The following NEMP2 variants were observed in gnomAD, a reference collection of about 807,000 sequenced individuals.
NEMP2 encodes nuclear envelope integral membrane protein 2.
Under a neutral mutation model 54.2 loss-of-function variants are expected in NEMP2, and 53 were observed. The observed-to-expected ratio is 0.98, with a 90% CI of 0.78 to 1.23. The LOEUF is 1.23. Ranked by LOEUF, NEMP2 falls within the 50% of genes most tolerant of loss-of-function variation. The pLI, the probability that NEMP2 is intolerant of heterozygous loss-of-function variation, is 0.00. For missense variants in NEMP2, 455 were observed against 511.3 expected, an observed-to-expected ratio of 0.89 and a Z score of 1.06; for synonymous variants, 197 against 190.3, an observed-to-expected ratio of 1.04 and a Z score of -0.29.
chr2:190,572,263 G>GA, the NEMP2 span, among the ~76,000 whole-genome samples: 18 of 152,128 alleles, frequency 1.2e-4, no homozygotes, highest in East Asian at 3.9e-4. Flanking sequence ...GGAAAAAAAG[G>GA]AAAAAATGTA....
the NEMP2 span, among the ~76,000 whole-genome samples, chr2:190,550,060 C>T: frequency 6.6e-6 from 1 of 152,096 alleles, no homozygotes; most frequent in Admixed American, 6.5e-5. This position sits in a 1 kb window ranked among gnomAD's most constrained non-coding sequence, Gnocchi z 4.7. Context: ...TTTTACATAG[C>T]TTTATTTATA....
At chr2:190,489,640 A>C in the NEMP2 span, 1 of 813,788 alleles carries the variant, frequency 1.2e-6, no homozygotes, top group East Asian at 2.7e-5. The surrounding 1 kb of genome is among the most constrained non-coding windows in gnomAD (Gnocchi z 6.6). Context: ...GCTAATACCC[A>C]ACTACTTTTC....
At chr2:190,445,015 A>T in the NEMP2 span, 1 of 229,042 alleles carries the variant, frequency 4.4e-6, no homozygotes, top group Non-Finnish European at 7.2e-6. Context: ...CTGAGGATAC[A>T]AGCCTGAAGT....
At chr2:190,495,685 A>G in the NEMP2 span, among the ~76,000 whole-genome samples, 1 of 152,170 alleles carries the variant, frequency 6.6e-6, no homozygotes, top group African/African-American at 2.4e-5. This position sits in a 1 kb window ranked among gnomAD's most constrained non-coding sequence, Gnocchi z 4.7. Flanking sequence ...AAACCCATAA[A>G]TAAAGCCAAA....
chr2:190,575,628 GC>G, the NEMP2 span, among the ~76,000 whole-genome samples: 38 of 152,304 alleles, frequency 2.5e-4, no homozygotes, highest in Non-Finnish European at 1.5e-4. Context: ...GCCGAGGCAG[GC>G]AGATCACTTG....
chr2:190,436,409 G>A, the NEMP2 span: 26 of 1,613,942 alleles, frequency 1.6e-5, no homozygotes, highest in East Asian at 4.5e-5. The surrounding 1 kb of genome is among the most constrained non-coding windows in gnomAD (Gnocchi z 5.3). Flanking sequence ...GTTGCAGACC[G>A]CTTTAAAAAA....
the NEMP2 span, among the ~76,000 whole-genome samples, chr2:190,562,718 TA>T: frequency 1.4e-5 from 2 of 140,268 alleles, no homozygotes; most frequent in Admixed American, 6.9e-5. The surrounding 1 kb of genome is among the most constrained non-coding windows in gnomAD (Gnocchi z 5.0). Context: ...TTTTAAGGCA[TA>T]TTTTTTTAAA....
intron 6 of NEMP2, among the ~76,000 whole-genome samples, chr2:190,516,024 T>C (rs1205300217): frequency 6.6e-6 from 1 of 152,164 alleles, no homozygotes; most frequent in East Asian, 1.9e-4. Context: ...TTTTTTTTCC[T>C]CTTTTGATCA....
At chr2:190,591,035 G>A in the NEMP2 span, among the ~76,000 whole-genome samples, 2 of 152,124 alleles carry the variant, frequency 1.3e-5, no homozygotes, top group Non-Finnish European at 2.9e-5. This position sits in a 1 kb window ranked among gnomAD's most constrained non-coding sequence, Gnocchi z 5.4. Context: ...TGATAACTTT[G>A]TGACATATGC....
the NEMP2 span, chr2:190,469,920 T>C: frequency 8.7e-6 from 10 of 1,155,960 alleles, no homozygotes; most frequent in East Asian, 2.4e-5. This position sits in a 1 kb window ranked among gnomAD's most constrained non-coding sequence, Gnocchi z 5.3. Context: ...AAAAGCCCAG[T>C]GGCCTTCAGC....
At chr2:190,580,718 C>T in the NEMP2 span, among the ~76,000 whole-genome samples, 4 of 152,056 alleles carry the variant, frequency 2.6e-5, no homozygotes, top group African/African-American at 9.7e-5. The surrounding 1 kb of genome is among the most constrained non-coding windows in gnomAD (Gnocchi z 5.3). Context: ...TTGTGATGGG[C>T]GGGTTTGCTT....
At chr2:190,442,293 A>G in the NEMP2 span, among the ~76,000 whole-genome samples, 3 of 152,174 alleles carry the variant, frequency 2.0e-5, no homozygotes, top group Non-Finnish European at 4.4e-5. Flanking sequence ...TTTAGGCCCA[A>G]AGAGCCTCAG....
chr2:190,493,627 A>G, the NEMP2 span, among the ~76,000 whole-genome samples: 1 of 152,212 alleles, frequency 6.6e-6, no homozygotes, highest in Admixed American at 6.5e-5. Flanking sequence ...TAGGCCATAA[A>G]ACAAGTCTCA....
chr2:190,604,761 T>C, the NEMP2 span, among the ~76,000 whole-genome samples: 1 of 152,142 alleles, frequency 6.6e-6, no homozygotes, highest in Non-Finnish European at 1.5e-5. This position sits in a 1 kb window ranked among gnomAD's most constrained non-coding sequence, Gnocchi z 4.5. Context: ...AATGATAATA[T>C]TGTTATTCAG....
chr2:190,474,924 A>G, the NEMP2 span, among the ~76,000 whole-genome samples: 1 of 152,382 alleles, frequency 6.6e-6, no homozygotes, highest in East Asian at 1.9e-4. Context: ...ATGCAAATCA[A>G]TAAATGTAAT....
At chr2:190,487,905 T>A in the NEMP2 span, among the ~76,000 whole-genome samples, 1 of 111,658 alleles carries the variant, frequency 9.0e-6, no homozygotes. This position sits in a 1 kb window ranked among gnomAD's most constrained non-coding sequence, Gnocchi z 5.5. Context: ...TCAAAATAAT[T>A]TTTTTTTCTT....
the NEMP2 span, among the ~76,000 whole-genome samples, chr2:190,554,014 C>T: frequency 2.6e-5 from 4 of 152,232 alleles, no homozygotes; most frequent in Admixed American, 2.0e-4. The surrounding 1 kb of genome is among the most constrained non-coding windows in gnomAD (Gnocchi z 5.7). Flanking sequence ...CCAAGGAGGG[C>T]GAGCTGAAGC....
At chr2:190,625,225 G>C in the NEMP2 span, 1 of 152,220 alleles carries the variant, frequency 6.6e-6, no homozygotes, top group African/African-American at 2.4e-5. Flanking sequence ...CTGATGAACA[G>C]AGTGTGTTAT....
chr2:190,486,033 A>G, the NEMP2 span, among the ~76,000 whole-genome samples: 2 of 152,182 alleles, frequency 1.3e-5, no homozygotes, highest in African/African-American at 4.8e-5. Flanking sequence ...CTGTCTTCCT[A>G]TAAATATTCT....
Sources: gnomAD v4.1 joint callset for allele counts (sites outside exome capture counted in the v4.1 genomes callset) on GRCh38, gnomAD v4.1.1 for gene constraint, Gnocchi (gnomAD v3.1) non-coding constraint, MANE v1.5 for transcripts, NCBI Gene and HGNC (gene_info 2026-07-23, HGNC 2026-07-21) for gene names.